The following CNTLN variants were observed in gnomAD, a reference collection of about 807,000 sequenced individuals.
CNTLN encodes the protein centlein, also known as centlein, centrosomal protein.
In CNTLN, 212 loss-of-function variants were observed where a neutral mutation model predicts 180.0. That is an observed-to-expected ratio of 1.18 (90% CI 1.05 to 1.32). The LOEUF (loss-of-function observed/expected upper bound fraction) is 1.32. Ranked by LOEUF, CNTLN falls within the 40% of genes most tolerant of loss-of-function variation. The pLI is 0.00. For synonymous variants in CNTLN, 722 were observed against 563.1 expected (o/e 1.28, Z -3.99); for missense variants, 2,095 against 1,610.9 (o/e 1.30, Z -5.14).
chr9:17,317,845 C>G (rs969909731), intron 8 of CNTLN, among the ~76,000 whole-genome samples: 1 of 151,932 alleles, frequency 6.6e-6, no homozygotes, highest in Non-Finnish European at 1.5e-5. Flanking sequence ...GAAACATGAT[C>G]TCAGAGAGGT....
chr9:17,333,344 A>G (rs1399436666), intron 10 of CNTLN, among the ~76,000 whole-genome samples: 3 of 152,086 alleles, frequency 2.0e-5, no homozygotes, highest in African/African-American at 7.2e-5. Flanking sequence ...TTGTTCATAC[A>G]TATTGAACCC....
At chr9:17,358,608 T>C (rs112399194) in intron 12 of CNTLN, among the ~76,000 whole-genome samples, 25 of 152,246 alleles carry the variant, frequency 1.6e-4, no homozygotes, top group African/African-American at 5.3e-4. Flanking sequence ...TAAAATCTAG[T>C]TGTTACATTA....
chr9:17,434,054 T>C (rs1336609289), intron 18 of CNTLN, among the ~76,000 whole-genome samples: 1 of 152,190 alleles, frequency 6.6e-6, no homozygotes, highest in Non-Finnish European at 1.5e-5. Context: ...TTAATGATAT[T>C]GTTCTCTTAT....
intron 25 of CNTLN, among the ~76,000 whole-genome samples, chr9:17,501,860 C>T (rs1034650380): frequency 6.6e-6 from 1 of 152,180 alleles, no homozygotes; most frequent in African/African-American, 2.4e-5. Context: ...TACTTACCAC[C>T]TATAACTGTA....
intron 18 of CNTLN, among the ~76,000 whole-genome samples, chr9:17,432,157 C>G (rs1242602631): frequency 6.6e-6 from 1 of 151,724 alleles, no homozygotes; most frequent in Non-Finnish European, 1.5e-5. Context: ...AAATAGCAGA[C>G]CACTAGAGAC....
intron 18 of CNTLN, among the ~76,000 whole-genome samples, chr9:17,440,740 G>A (rs1355142121): frequency 6.6e-6 from 1 of 152,088 alleles, no homozygotes; most frequent in South Asian, 2.1e-4. Context: ...TCCATGCAGT[G>A]GATTATCATT....
intron 23 of CNTLN, among the ~76,000 whole-genome samples, chr9:17,468,286 G>T (rs187862684): frequency 6.6e-6 from 1 of 151,474 alleles, no homozygotes; most frequent in Non-Finnish European, 1.5e-5. Context: ...TACCTATTGG[G>T]TACTATGTTT....
intron 12 of CNTLN, among the ~76,000 whole-genome samples, chr9:17,347,686 AAG>A: frequency 6.6e-6 from 1 of 150,566 alleles, no homozygotes; most frequent in Non-Finnish European, 1.5e-5. Context: ...AAAAAAAAAA[AAG>A]AAAAAGGAAA....
chr9:17,367,166 GA>G (rs2133444477), intron 13 of CNTLN, among the ~76,000 whole-genome samples: 1 of 152,340 alleles, frequency 6.6e-6, no homozygotes, highest in Non-Finnish European at 1.5e-5. Flanking sequence ...ATGTGACATG[GA>G]GAGAGAATTG....
intron 2 of CNTLN, among the ~76,000 whole-genome samples, chr9:17,207,414 C>A (rs1484115675): frequency 1.3e-5 from 2 of 152,130 alleles, no homozygotes; most frequent in African/African-American, 4.8e-5. Flanking sequence ...AAAAAAACTC[C>A]TGCAGCTAGC....
chr9:17,399,928 C>T (rs754775313), intron 15 of CNTLN, among the ~76,000 whole-genome samples: 7 of 152,140 alleles, frequency 4.6e-5, no homozygotes, highest in Non-Finnish European at 8.8e-5. Context: ...CACATTTTCC[C>T]ATGACTTTCT....
At chr9:17,235,506 C>G in intron 3 of CNTLN, 152 bp from the exon 4 acceptor site, 1 of 568,738 alleles carries the variant, frequency 1.8e-6, no homozygotes, top group South Asian at 2.6e-5. Context: ...AATTCATGGG[C>G]ATGTTACAGG....
At chr9:17,187,837 C>T (rs1821525244) in intron 2 of CNTLN, among the ~76,000 whole-genome samples, 1 of 151,406 alleles carries the variant, frequency 6.6e-6, no homozygotes, top group African/African-American at 2.4e-5. Context: ...TTTAAAAGAA[C>T]CTATGTAATA....
At chr9:17,354,502 C>G (rs201031870) in intron 12 of CNTLN, among the ~76,000 whole-genome samples, 1 of 152,152 alleles carries the variant, frequency 6.6e-6, no homozygotes, top group African/African-American at 2.4e-5. Context: ...AAACACACCA[C>G]TCAGCACCCT....
At chr9:17,137,166 T>A (rs1817776432) in intron 1 of CNTLN, among the ~76,000 whole-genome samples, 1 of 152,202 alleles carries the variant, frequency 6.6e-6, no homozygotes, top group African/African-American at 2.4e-5. Context: ...ATGATTGACA[T>A]ACTCTTGGCA....
intron 22 of CNTLN, 53 bp from the exon 23 acceptor site, chr9:17,466,653 T>C: frequency 2.0e-6 from 3 of 1,466,634 alleles, no homozygotes; most frequent in Non-Finnish European, 2.8e-6. Context: ...AACTAACTCT[T>C]CCAAATCTGT....
rs562661775 is a variant in CNTLN at position 17,443,146 on chromosome 9, G to T, written c.3115-14378G>T. Among the ~76,000 whole-genome samples the T allele has an allele frequency of 2.6e-5, 4 of 152,256 alleles. No individual in the cohort carries two copies. The South Asian group carries it at 6.2e-4, about 24-fold the overall frequency. On this transcript the variant is annotated intron_variant, in intron 18 of 25. Coordinates refer to ENST00000380647, the MANE Select transcript of CNTLN (RefSeq NM_017738.4). ...GCTATCATTGTTTGTCTTTGATGTT[G>T]TACTTGAGTACCTAACCAGCACATT...
chr9:17,418,857 CTT>C (rs1828475053), intron 18 of CNTLN, among the ~76,000 whole-genome samples: 1 of 151,980 alleles, frequency 6.6e-6, no homozygotes, highest in Admixed American at 6.6e-5. Flanking sequence ...AGACTTTCAA[CTT>C]TTTCATATGT....
At position 17,183,691 on chromosome 9, in the gene CNTLN, C is replaced by T. The variant is rs180675420; in HGVS notation, c.449+40315C>T. 2.2e-3 allele frequency among the ~76,000 whole-genome samples: 336 copies of T among 151,826 alleles called. 2 individuals are homozygous for T. The highest frequency in any genetic ancestry group is 2.6e-3 in the Admixed American group (40 of 15,256). ...TCATCAAAAATAAATGTTTCAAAGG[C>T]AAATGAACTAGATATAATTATATAT... is the stretch of plus-strand genomic sequence containing the variant. On this transcript the variant is annotated intron_variant, in intron 2 of 25. Transcript: ENST00000380647.
Sources: allele counts gnomAD v4.1 joint callset (sites outside exome capture counted in the v4.1 genomes callset), GRCh38; gene constraint gnomAD v4.1.1; transcripts MANE v1.5; gene names NCBI Gene and HGNC (gene_info 2026-07-23, HGNC 2026-07-21).